ANKFN1: variants seen among roughly 807,000 people sequenced by gnomAD.
ANKFN1 encodes the protein ankyrin repeat and fibronectin type III domain containing 1.
Under a neutral mutation model 108.7 loss-of-function variants are expected in ANKFN1, and 74 were observed. That is an observed-to-expected ratio of 0.68 (90% confidence interval 0.56 to 0.83). ANKFN1 has a LOEUF of 0.83. ANKFN1 is among the 40% of genes least tolerant of loss of function. The probability of loss-of-function intolerance (pLI) is 0.00; values close to 1 mark genes in which losing one functional copy is unlikely to be tolerated. For synonymous variants in ANKFN1, 547 were observed against 516.2 expected (o/e 1.06, Z -0.81); for missense variants, 1,505 against 1,382.3 (o/e 1.09, Z -1.41).
At chr17:56,218,090 C>T (rs1333080869) in intron 2 of ANKFN1, among the ~76,000 whole-genome samples, 1 of 152,076 alleles carries the variant, frequency 6.6e-6, no homozygotes, top group Non-Finnish European at 1.5e-5. Flanking sequence ...CTGTGGCTAA[C>T]CATATCAACC....
At chr17:56,157,653 T>C (rs999196769) in intron 1 of ANKFN1, among the ~76,000 whole-genome samples, 1 of 152,216 alleles carries the variant, frequency 6.6e-6, no homozygotes, top group Admixed American at 6.5e-5. Flanking sequence ...CAAGTTCCCA[T>C]TGAGGCATTT....
At chr17:56,250,506 C>T (rs1157579075) in intron 3 of ANKFN1, among the ~76,000 whole-genome samples, 1 of 152,210 alleles carries the variant, frequency 6.6e-6, no homozygotes, top group Non-Finnish European at 1.5e-5. Context: ...ACCCAGGGAG[C>T]TTGATATTAA....
intron 1 of ANKFN1, among the ~76,000 whole-genome samples, chr17:56,183,100 C>G (rs781428217): frequency 6.6e-6 from 1 of 152,170 alleles, no homozygotes; most frequent in Non-Finnish European, 1.5e-5. Context: ...TAATAGAGAT[C>G]TGCAAAGGAG....
chr17:56,078,624 A>T (rs1905208891), intron 4 of ANKFN1, among the ~76,000 whole-genome samples: 1 of 152,234 alleles, frequency 6.6e-6, no homozygotes, highest in African/African-American at 2.4e-5. Flanking sequence ...GAAATGCTCA[A>T]TAAGTGAACA....
chr17:56,184,094 G>T (rs1330188366), intron 1 of ANKFN1, among the ~76,000 whole-genome samples: 1 of 152,180 alleles, frequency 6.6e-6, no homozygotes, highest in Admixed American at 6.5e-5. Flanking sequence ...AGAAAGCAGT[G>T]GCAGAGTTTG....
intron 4 of ANKFN1, among the ~76,000 whole-genome samples, chr17:56,068,695 A>C (rs1905088501): frequency 6.6e-6 from 1 of 152,158 alleles, no homozygotes. Flanking sequence ...ATTGCAGGAT[A>C]ATCTTTTTCA....
intron 4 of ANKFN1, among the ~76,000 whole-genome samples, chr17:56,104,469 C>G (rs569574969): frequency 6.6e-5 from 10 of 152,298 alleles, no homozygotes; most frequent in African/African-American, 9.6e-5. Context: ...TAGGTCCCAT[C>G]AGGGTTTTCT....
intron 4 of ANKFN1, chr17:56,110,832 C>T (rs1905920810): frequency 6.6e-6 from 1 of 152,254 alleles, no homozygotes; most frequent in South Asian, 2.1e-4. Flanking sequence ...TGAGGACACT[C>T]CTAGCAGAAG....
chr17:56,055,763 A>G (rs972605605), intron 4 of ANKFN1, among the ~76,000 whole-genome samples: 27 of 150,664 alleles, frequency 1.8e-4, no homozygotes, highest in Admixed American at 1.3e-3. Flanking sequence ...GCTGGGTTGA[A>G]TGGTAGTTCT....
chr17:56,258,214 AT>A (rs2043407553), intron 3 of ANKFN1: 1 of 152,200 alleles, frequency 6.6e-6, no homozygotes, highest in Non-Finnish European at 1.5e-5. Flanking sequence ...TGGGCTTCTG[AT>A]GGCTTTACCT....
Position 56,355,159 on chromosome 17 carries a change from C to A in ANKFN1, c.601+1113C>A, listed in dbSNP as rs1218853517. Among the ~76,000 whole-genome samples the A allele has an allele frequency of 2.0e-5, 3 of 151,942 alleles. No individual in the cohort carries two copies. In the East Asian group the frequency reaches 5.8e-4, roughly 29 times the overall value. The stretch of plus-strand genomic sequence containing the variant: ...ATGAGGTTATGGATACACTAAATAC[C>A]CTAATTTAATGATTATACAACATAT... On this transcript the variant is annotated intron_variant, in intron 6 of 20. Coordinates refer to ENST00000682825, the MANE Select transcript of ANKFN1 (RefSeq NM_001370326.1).
chr17:56,434,706 T>G (rs1056117317), intron 8 of ANKFN1, among the ~76,000 whole-genome samples: 7 of 152,178 alleles, frequency 4.6e-5, no homozygotes, highest in African/African-American at 1.7e-4. Context: ...AGCGGGTTCA[T>G]GCTGCAGCAA....
At chr17:56,444,572 C>G (rs1568006453) in intron 10 of ANKFN1, among the ~76,000 whole-genome samples, 1 of 152,174 alleles carries the variant, frequency 6.6e-6, no homozygotes, top group Non-Finnish European at 1.5e-5. Context: ...TCACTATCAT[C>G]TGCATCTCTA....
At chr17:56,179,694 C>T (rs1911504592) in intron 1 of ANKFN1, among the ~76,000 whole-genome samples, 1 of 152,132 alleles carries the variant, frequency 6.6e-6, no homozygotes, top group African/African-American at 2.4e-5. Flanking sequence ...GTCACTTTAC[C>T]AGTCCAAATC....
intron 14 of ANKFN1, among the ~76,000 whole-genome samples, chr17:56,459,437 T>C (rs947181466): frequency 1.1e-4 from 17 of 152,184 alleles, no homozygotes; most frequent in African/African-American, 4.1e-4. Flanking sequence ...TGCATAATCT[T>C]CTCTTCCAAC....
intron 3 of ANKFN1, among the ~76,000 whole-genome samples, chr17:56,259,153 G>A (rs1024649456): frequency 2.0e-5 from 3 of 152,076 alleles, no homozygotes; most frequent in African/African-American, 7.3e-5. Context: ...TGAAGTAACA[G>A]GCCTAAAATC....
intron 1 of ANKFN1, among the ~76,000 whole-genome samples, chr17:56,185,671 T>A (rs563797345): frequency 6.6e-6 from 1 of 152,292 alleles, no homozygotes; most frequent in South Asian, 2.1e-4. Flanking sequence ...GTCCAGCCTT[T>A]AAGTTGTGGG....
At chr17:56,485,414 A>G (rs1311412990) in intron 18 of ANKFN1, among the ~76,000 whole-genome samples, 3 of 152,190 alleles carry the variant, frequency 2.0e-5, no homozygotes, top group African/African-American at 4.8e-5. Flanking sequence ...CCTTAGAGTA[A>G]GAGTGTGCTT....
chr17:56,224,764 CACAG>C (rs1216888934), intron 2 of ANKFN1: 1 of 152,204 alleles, frequency 6.6e-6, no homozygotes, highest in Non-Finnish European at 1.5e-5. Flanking sequence ...CAGAAGAGAT[CACAG>C]ACAGAGATGT....
Sources: allele counts gnomAD v4.1 joint callset (sites outside exome capture counted in the v4.1 genomes callset), GRCh38; gene constraint gnomAD v4.1.1; transcripts MANE v1.5; gene names NCBI Gene and HGNC (gene_info 2026-07-23, HGNC 2026-07-21).